Variants in TNIK observed in about 807,000 individuals in gnomAD.
The protein encoded by TNIK is TRAF2 and NCK-interacting protein kinase.
In TNIK, 49 loss-of-function variants were observed where a neutral mutation model predicts 191.3. The ratio of observed to expected loss-of-function variants is 0.26; its 90% CI spans 0.20 to 0.32. The LOEUF (loss-of-function observed/expected upper bound fraction) is 0.32. TNIK is among the 10% of genes least tolerant of loss of function. The pLI is 1.00. For missense variants in TNIK, 1,155 were observed against 1,702.3 expected (o/e 0.68, Z 5.66); for synonymous variants, 594 against 600.9 (o/e 0.99, Z 0.17).
chr3:171,441,770 A>G (rs776254743), intron 1 of TNIK, among the ~76,000 whole-genome samples: 1 of 152,182 alleles, frequency 6.6e-6, no homozygotes, highest in Non-Finnish European at 1.5e-5. Flanking sequence ...ACCCACCGGC[A>G]ATGTATGAGA....
At chr3:171,359,251 C>G (rs1714623901) in intron 2 of TNIK, among the ~76,000 whole-genome samples, 1 of 152,176 alleles carries the variant, frequency 6.6e-6, no homozygotes, top group Admixed American at 6.5e-5. Flanking sequence ...TCAAGCCATA[C>G]TCGAAGTATC....
At chr3:171,139,976 CAG>C (rs999355654) in intron 13 of TNIK, among the ~76,000 whole-genome samples, 4 of 152,218 alleles carry the variant, frequency 2.6e-5, no homozygotes, top group Non-Finnish European at 4.4e-5. Context: ...AACCATCCTG[CAG>C]AGTTTCACTA....
At chr3:171,228,358 G>C (rs1273111686) in intron 2 of TNIK, 137 bp from the exon 3 acceptor site, 3 of 778,408 alleles carry the variant, frequency 3.9e-6, no homozygotes, top group Non-Finnish European at 6.1e-6. Flanking sequence ...GACACACACA[G>C]AAACACCATG....
chr3:171,388,368 A>C (rs1006584640), intron 1 of TNIK, among the ~76,000 whole-genome samples: 9 of 152,248 alleles, frequency 5.9e-5, no homozygotes, highest in African/African-American at 2.2e-4. Flanking sequence ...GGTCTCTAAG[A>C]AGTAATACAA....
intron 1 of TNIK, among the ~76,000 whole-genome samples, chr3:171,424,015 G>C (rs1408749074): frequency 1.3e-5 from 2 of 152,168 alleles, no homozygotes. Context: ...CTTCTGCACA[G>C]CAAAAGAAAC....
At position 171,082,285 on chromosome 3, in the gene TNIK, C is replaced by T; in HGVS notation, c.3279G>A (p.Val1093=). ...TCACAAGGACATTCAGTCCCTCTAG[C>T]ACATCCATCTGCTGAAATCGCCTCC... ...INRRRFQQMD[V]LEGLNVLVTI... Residue 1093 remains valine, a synonymous_variant, in exon 27 of 33, where the codon GTG becomes GTA. Transcript: ENST00000436636. 1.2e-6 allele frequency: 2 copies of T among 1,613,694 alleles called. No individual in the cohort carries two copies. The highest frequency in any genetic ancestry group is 8.5e-7 in the Non-Finnish European group (1 of 1,179,770).
At chr3:171,100,759 A>G (rs1723397564) in intron 22 of TNIK, among the ~76,000 whole-genome samples, 1 of 151,802 alleles carries the variant, frequency 6.6e-6, no homozygotes. Flanking sequence ...AAAAAAAAAA[A>G]AAAGAAAAAG....
chr3:171,423,583 T>C (rs1399838574), intron 1 of TNIK, among the ~76,000 whole-genome samples: 5 of 152,104 alleles, frequency 3.3e-5, no homozygotes, highest in Non-Finnish European at 7.3e-5. Context: ...CTTCAAACTA[T>C]ACTATAAGGC....
chr3:171,113,122 A>T (rs942380080), intron 18 of TNIK, among the ~76,000 whole-genome samples: 1 of 152,322 alleles, frequency 6.6e-6, no homozygotes, highest in South Asian at 2.1e-4. Flanking sequence ...AAAAGTGACT[A>T]CTGAGGTAGA....
intron 2 of TNIK, among the ~76,000 whole-genome samples, chr3:171,265,778 A>G (rs952316277): frequency 6.6e-6 from 1 of 152,264 alleles, no homozygotes; most frequent in Non-Finnish European, 1.5e-5. Flanking sequence ...GAATCTTAAA[A>G]AGAGACTGGA....
chr3:171,426,660 G>A (rs1724671615), intron 1 of TNIK, among the ~76,000 whole-genome samples: 1 of 151,970 alleles, frequency 6.6e-6, no homozygotes, highest in Admixed American at 6.6e-5. Context: ...TTTTTGAACT[G>A]GAGCCCCATC....
rs575639652 is a variant in TNIK, at chr3:171,206,557, A to C, written c.306+4559T>G. Among the ~76,000 whole-genome samples the C allele has an allele frequency of 2.0e-5, 3 of 152,174 alleles. No individual in the cohort carries two copies. The East Asian group carries it at 5.8e-4, about 29-fold the overall frequency. On this transcript the variant is annotated intron_variant, in intron 4 of 32. Coordinates refer to ENST00000436636, the MANE Select transcript of TNIK (RefSeq NM_015028.4). ...GGTGTGCTGCTTTCTCCAAGTACCTATCTGAAAATGGACTGAAGATTTTGC... is the reference window on the plus strand; with the variant it reads ...GGTGTGCTGCTTTCTCCAAGTACCTCTCTGAAAATGGACTGAAGATTTTGC...
chr3:171,423,855 T>C (rs574664217), intron 1 of TNIK, among the ~76,000 whole-genome samples: 35 of 152,312 alleles, frequency 2.3e-4, no homozygotes, highest in African/African-American at 7.7e-4. Flanking sequence ...AAGACTTAAA[T>C]GTTAGACCGA....
At chr3:171,405,960 T>A (rs1178765350) in intron 1 of TNIK, among the ~76,000 whole-genome samples, 1 of 152,094 alleles carries the variant, frequency 6.6e-6, no homozygotes, top group African/African-American at 2.4e-5. Flanking sequence ...CCCAGAAGAA[T>A]CAACCTCTAC....
chr3:171,210,696 G>A (rs1432778896), intron 4 of TNIK, among the ~76,000 whole-genome samples: 1 of 152,162 alleles, frequency 6.6e-6, no homozygotes, highest in African/African-American at 2.4e-5. Flanking sequence ...CTTTGGAACA[G>A]TTTATTCATT....
At chr3:171,440,619 T>A (rs528067862) in intron 1 of TNIK, among the ~76,000 whole-genome samples, 37 of 152,322 alleles carry the variant, frequency 2.4e-4, no homozygotes, top group Admixed American at 3.3e-4. Context: ...TAGCCTATGC[T>A]GTAAGTCACG....
chr3:171,182,481 T>C (rs1043791178), intron 7 of TNIK, among the ~76,000 whole-genome samples: 2 of 152,212 alleles, frequency 1.3e-5, no homozygotes, highest in African/African-American at 4.8e-5. Flanking sequence ...GTTTCGTTCA[T>C]GGCCATGGTG....
At chr3:171,324,805 A>C (rs1755555496) in intron 2 of TNIK, among the ~76,000 whole-genome samples, 1 of 152,136 alleles carries the variant, frequency 6.6e-6, no homozygotes, top group African/African-American at 2.4e-5. Flanking sequence ...TTTGTTAAAG[A>C]GAAGAACTCA....
rs1369854349 is a variant in TNIK, at chr3:171,061,044, A to C, written c.*2837T>G. On this transcript the variant is annotated 3_prime_UTR_variant, in exon 33 of 33. Coordinates refer to ENST00000436636, the MANE Select transcript of TNIK (RefSeq NM_015028.4). ...ATTTTTTTTGTTGAGATGCTATAAA[A>C]ATGGATGAAAAGCAACCGTTCCTCC... is the stretch of plus-strand genomic sequence containing the variant. Among the ~76,000 whole-genome samples the C allele has an allele frequency of 6.6e-6, 1 of 152,130 alleles. No individual in the cohort carries two copies. The highest frequency in any genetic ancestry group is 6.6e-5 in the Admixed American group (1 of 15,254).
Sources: gnomAD v4.1 joint callset for allele counts (sites outside exome capture counted in the v4.1 genomes callset) on GRCh38, gnomAD v4.1.1 for gene constraint, MANE v1.5 for transcripts, NCBI Gene and HGNC (gene_info 2026-07-23, HGNC 2026-07-21) for gene names.